The following MAGI2 variants were observed in gnomAD, a reference collection of about 807,000 sequenced individuals.
The protein encoded by MAGI2 is membrane associated guanylate kinase, WW and PDZ domain containing 2.
In MAGI2, 35 loss-of-function variants were observed where a neutral mutation model predicts 133.3. That is an observed-to-expected ratio of 0.26 (90% CI 0.20 to 0.35). The LOEUF (loss-of-function observed/expected upper bound fraction) is 0.35. Ranked by LOEUF, MAGI2 falls within the 10% of genes least tolerant of loss-of-function variation. The probability of loss-of-function intolerance (pLI) is 1.00; values close to 1 mark genes in which losing one functional copy is unlikely to be tolerated. For missense variants in MAGI2, 1,636 were observed against 1,863.4 expected (o/e 0.88, Z 2.25); for synonymous variants, 729 against 710.6 (o/e 1.03, Z -0.41).
chr7:78,208,567 G>A (rs143283232), intron 10 of MAGI2, among the ~76,000 whole-genome samples: 1 of 152,262 alleles, frequency 6.6e-6, no homozygotes, highest in East Asian at 1.9e-4. Flanking sequence ...GGAATAAAGA[G>A]AGAAACCTGC....
chr7:79,278,643 G>A (rs540316801), intron 1 of MAGI2, among the ~76,000 whole-genome samples: 2 of 152,182 alleles, frequency 1.3e-5, no homozygotes, highest in African/African-American at 4.8e-5. Flanking sequence ...GAGTAGTTCA[G>A]TATATTACTA....
intron 1 of MAGI2, among the ~76,000 whole-genome samples, chr7:79,294,772 C>T (rs551626485): frequency 0.018 from 2,276 of 125,880 alleles, 29 homozygotes; most frequent in Middle Eastern, 0.046. Flanking sequence ...CTCTGTTACT[C>T]GGGCTGGAGT....
chr7:79,282,463 G>A (rs2129558082), intron 1 of MAGI2, among the ~76,000 whole-genome samples: 1 of 152,240 alleles, frequency 6.6e-6, no homozygotes, highest in East Asian at 1.9e-4. Flanking sequence ...TTTTGTTGTT[G>A]TTTTCTGCAG....
chr7:79,184,807 T>A (rs1425344075), intron 1 of MAGI2, among the ~76,000 whole-genome samples: 1 of 151,886 alleles, frequency 6.6e-6, no homozygotes, highest in South Asian at 2.1e-4. Context: ...TTTGGATAAC[T>A]TTTTTCTTTT....
At chr7:78,062,236 T>C (rs944462249) in intron 21 of MAGI2, among the ~76,000 whole-genome samples, 1 of 152,194 alleles carries the variant, frequency 6.6e-6, no homozygotes, top group Admixed American at 6.5e-5. Context: ...TGGAGCTAAG[T>C]AGAAGCTCTA....
intron 2 of MAGI2, among the ~76,000 whole-genome samples, chr7:78,947,251 C>T (rs568075209): frequency 6.6e-6 from 1 of 152,190 alleles, no homozygotes; most frequent in South Asian, 2.1e-4. Flanking sequence ...TGTTTGGTAA[C>T]TCCTCCATCC....
At chr7:78,557,097 A>AAAAAAGAAAG (rs1554473311) in intron 3 of MAGI2, among the ~76,000 whole-genome samples, 29 of 138,988 alleles carry the variant, frequency 2.1e-4, no homozygotes, top group East Asian at 6.6e-4. Flanking sequence ...AAAAAAAAAA[A>AAAAAAGAAAG]AAAGAAAAAG....
In MAGI2 at chr7:79,380,745, G is replaced by T. The variant is rs555900615; in HGVS notation, c.301+72275C>A. On this transcript the variant is annotated intron_variant, in intron 1 of 21. Transcript: ENST00000354212. ...AATGAGAAGTTGCAACAGTAAAGGT[G>T]TACACAGGAAGCAGAACTCAGAAAC... Among the ~76,000 whole-genome samples, 7 of 151,850 alleles carry T rather than the reference G, an allele frequency of 4.6e-5. 1 individual carries two copies. The East Asian group carries it at 1.4e-3, about 30-fold the overall frequency.
intron 2 of MAGI2, among the ~76,000 whole-genome samples, chr7:78,637,792 G>A (rs923278204): frequency 2.6e-5 from 4 of 152,160 alleles, no homozygotes; most frequent in Non-Finnish European, 5.9e-5. Context: ...GGGTAGATGT[G>A]AGAAATATCA....
chr7:78,617,498 G>A (rs1003088869), intron 3 of MAGI2: 2 of 152,030 alleles, frequency 1.3e-5, no homozygotes, highest in African/African-American at 4.8e-5. Context: ...AGGAAGTACT[G>A]ATACTAAATT....
intron 21 of MAGI2, among the ~76,000 whole-genome samples, chr7:78,074,488 AG>A (rs1815060965): frequency 1.3e-5 from 2 of 152,020 alleles, no homozygotes. Flanking sequence ...ATCCTTCCAC[AG>A]GGAGTGGTTA....
intron 1 of MAGI2, among the ~76,000 whole-genome samples, chr7:79,447,447 T>C (rs1024716375): frequency 1.3e-5 from 2 of 152,010 alleles, no homozygotes; most frequent in African/African-American, 4.8e-5. Context: ...CTAGGAGAGA[T>C]TTTTAGAAAT....
chr7:78,919,367 A>T (rs2052403), intron 2 of MAGI2, among the ~76,000 whole-genome samples: 78,842 of 151,896 alleles, frequency 0.52, 21,642 homozygotes, highest in Non-Finnish European at 0.6. Context: ...TCATGTTTAA[A>T]AGAAATAGAT....
intron 1 of MAGI2, among the ~76,000 whole-genome samples, chr7:79,065,253 G>T (rs1409156317): frequency 6.6e-6 from 1 of 152,074 alleles, no homozygotes; most frequent in Admixed American, 6.6e-5. Context: ...GTAGCCACTA[G>T]TTGGTATACA....
At chr7:78,239,734 A>C (rs1033458708) in intron 10 of MAGI2, among the ~76,000 whole-genome samples, 1 of 152,356 alleles carries the variant, frequency 6.6e-6, no homozygotes, top group African/African-American at 2.4e-5. Flanking sequence ...TAGAATAGTT[A>C]TTAGGAAAAA....
chr7:79,354,960 T>C (rs1563146082), intron 1 of MAGI2, among the ~76,000 whole-genome samples: 1 of 152,188 alleles, frequency 6.6e-6, no homozygotes, highest in Non-Finnish European at 1.5e-5. Flanking sequence ...TCTGTTGGGA[T>C]CACTATCTTT....
chr7:78,837,255 A>G (rs1192409492), intron 2 of MAGI2, among the ~76,000 whole-genome samples: 2 of 152,132 alleles, frequency 1.3e-5, no homozygotes, highest in African/African-American at 2.4e-5. Context: ...GTTTTTGTAC[A>G]TTGATTCTAG....
intron 4 of MAGI2, among the ~76,000 whole-genome samples, chr7:78,506,820 T>C (rs1436244798): frequency 6.6e-6 from 1 of 152,214 alleles, no homozygotes; most frequent in Non-Finnish European, 1.5e-5. Flanking sequence ...TACAGAATTA[T>C]CCTAATAGAG....
intron 9 of MAGI2, among the ~76,000 whole-genome samples, chr7:78,328,229 A>G (rs565806087): frequency 6.6e-6 from 1 of 151,972 alleles, no homozygotes; most frequent in Non-Finnish European, 1.5e-5. Context: ...GTTAAAAAAA[A>G]CCCAAAAACC....
Sources: gnomAD v4.1 joint callset for allele counts (sites outside exome capture counted in the v4.1 genomes callset) on GRCh38, gnomAD v4.1.1 for gene constraint, MANE v1.5 for transcripts, NCBI Gene and HGNC (gene_info 2026-07-23, HGNC 2026-07-21) for gene names.